Variants in CNTN5 observed in about 807,000 individuals in gnomAD.
CNTN5 encodes the protein contactin-5.
In CNTN5, 77 loss-of-function variants were observed where a neutral mutation model predicts 129.1. That is an observed-to-expected ratio of 0.60 (90% CI 0.50 to 0.72). The LOEUF is 0.72. Ranked by LOEUF, CNTN5 falls within the 30% of genes least tolerant of loss-of-function variation. The pLI is 0.00. For missense variants in CNTN5, 1,478 were observed against 1,328.8 expected (o/e 1.11, Z -1.75); for synonymous variants, 509 against 465.6 (o/e 1.09, Z -1.20).
chr11:99,777,702 C>G (rs1945172818), intron 3 of CNTN5, among the ~76,000 whole-genome samples: 1 of 151,644 alleles, frequency 6.6e-6, no homozygotes, highest in African/African-American at 2.4e-5. Flanking sequence ...TTTGAGTGCT[C>G]CGCAAACCTC....
intron 3 of CNTN5, among the ~76,000 whole-genome samples, chr11:99,809,448 A>G (rs553640083): frequency 2.0e-5 from 3 of 152,296 alleles, no homozygotes; most frequent in South Asian, 4.1e-4. Flanking sequence ...GATATATAAT[A>G]ATCATTTCAC....
chr11:99,034,395 GTCCTGGAC>G (rs1173225517), intron 1 of CNTN5, among the ~76,000 whole-genome samples: 1 of 151,506 alleles, frequency 6.6e-6, no homozygotes, highest in Non-Finnish European at 1.5e-5. Context: ...AATCCATCTG[GTCCTGGAC>G]TCTTTTTGGT....
chr11:100,147,414 T>TTCTCATG (rs1946888491), intron 13 of CNTN5, among the ~76,000 whole-genome samples: 1 of 152,118 alleles, frequency 6.6e-6, no homozygotes, highest in Admixed American at 6.6e-5. Flanking sequence ...TCTTATGGAC[T>TTCTCATG]TCTCATGTCT....
At chr11:99,093,748 A>G (rs1434300659) in intron 1 of CNTN5, among the ~76,000 whole-genome samples, 3 of 152,026 alleles carry the variant, frequency 2.0e-5, no homozygotes, top group African/African-American at 4.8e-5. Context: ...CTGGCATAAT[A>G]TATCATTCTA....
At chr11:99,876,797 G>A (rs1948643937) in intron 6 of CNTN5, among the ~76,000 whole-genome samples, 1 of 152,092 alleles carries the variant, frequency 6.6e-6, no homozygotes, top group Admixed American at 6.6e-5. Flanking sequence ...TATATTAAGT[G>A]ATTTTCTAAG....
intron 9 of CNTN5, among the ~76,000 whole-genome samples, chr11:100,030,073 A>T (rs1941628956): frequency 6.6e-6 from 1 of 152,156 alleles, no homozygotes; most frequent in African/African-American, 2.4e-5. Flanking sequence ...ACCATTTACC[A>T]AATAGTAAAG....
Position 99,338,932 on chromosome 11 carries a change from A to ATATATATATG in CNTN5, c.-71+13457_-71+13458insGTATATATAT, listed in dbSNP as rs1555115014. ...TGTTCATTCACAGATATATATATAT[A>ATATATATATG]TATATATATATATATCTGTGATATA... On this transcript the variant is annotated intron_variant, in intron 2 of 24. Coordinates refer to ENST00000524871, the MANE Select transcript of CNTN5 (RefSeq NM_014361.4). Among the ~76,000 whole-genome samples, 393 of 142,950 alleles carry ATATATATATG rather than the reference A, an allele frequency of 2.7e-3. 2 individuals are homozygous for ATATATATATG. Among genetic ancestry groups the ATATATATATG allele is most frequent in the South Asian group, 9.1e-3 (41 of 4,522 alleles). 93.8% of individuals were successfully genotyped at this position (142,950 alleles called of 152,430 possible).
intron 8 of CNTN5, among the ~76,000 whole-genome samples, chr11:99,984,967 A>T (rs1042841121): frequency 2.0e-5 from 3 of 152,196 alleles, no homozygotes; most frequent in African/African-American, 4.8e-5. Context: ...CCACTGCTCC[A>T]GGTGCTGGCA....
intron 13 of CNTN5, among the ~76,000 whole-genome samples, chr11:100,085,691 A>T (rs1344195566): frequency 6.6e-6 from 1 of 152,102 alleles, no homozygotes; most frequent in Non-Finnish European, 1.5e-5. Context: ...ATACGATTTT[A>T]AATAATATAA....
chr11:99,320,084 A>C (rs1443867220), intron 1 of CNTN5, among the ~76,000 whole-genome samples: 2 of 152,082 alleles, frequency 1.3e-5, no homozygotes, highest in African/African-American at 2.4e-5. Context: ...TACTGAAAAT[A>C]CAAAAATTAG....
At chr11:100,082,270 T>C (rs1033113337) in intron 13 of CNTN5, among the ~76,000 whole-genome samples, 17 of 152,112 alleles carry the variant, frequency 1.1e-4, no homozygotes, top group African/African-American at 3.1e-4. Context: ...AACAGATATA[T>C]TGTAGAAGCA....
intron 3 of CNTN5, among the ~76,000 whole-genome samples, chr11:99,703,067 A>T (rs560336176): frequency 3.3e-5 from 5 of 150,966 alleles, no homozygotes; most frequent in African/African-American, 1.2e-4. Flanking sequence ...CTATATAATA[A>T]ATGAAAATGT....
chr11:99,681,949 A>G (rs1056721066), intron 3 of CNTN5, among the ~76,000 whole-genome samples: 6 of 152,098 alleles, frequency 3.9e-5, no homozygotes, highest in African/African-American at 4.8e-5. Flanking sequence ...CTTCTCAGGA[A>G]TAACTCACAA....
chr11:99,872,781 A>G (rs1948535896), intron 6 of CNTN5, among the ~76,000 whole-genome samples: 1 of 152,176 alleles, frequency 6.6e-6, no homozygotes, highest in African/African-American at 2.4e-5. Flanking sequence ...AAAACATTTC[A>G]TTTAAAGATA....
At chr11:99,876,243 C>A (rs1356379483) in intron 6 of CNTN5, among the ~76,000 whole-genome samples, 1 of 152,170 alleles carries the variant, frequency 6.6e-6, no homozygotes, top group Non-Finnish European at 1.5e-5. Flanking sequence ...GCATCTGGAA[C>A]CCCATGGCTT....
At chr11:99,857,455 G>T (rs1760199572) in intron 6 of CNTN5, among the ~76,000 whole-genome samples, 1 of 152,054 alleles carries the variant, frequency 6.6e-6, no homozygotes, top group African/African-American at 2.4e-5. Context: ...TTTAACAATT[G>T]CAATAGAGAA....
intron 6 of CNTN5, among the ~76,000 whole-genome samples, chr11:99,890,738 G>A (rs1949038086): frequency 6.6e-6 from 1 of 152,092 alleles, no homozygotes. Flanking sequence ...TCCTTCCAAA[G>A]AATCAGCACG....
chr11:100,093,129 G>C (rs1944860453), intron 13 of CNTN5, among the ~76,000 whole-genome samples: 1 of 152,012 alleles, frequency 6.6e-6, no homozygotes, highest in Non-Finnish European at 1.5e-5. Flanking sequence ...AACAGTGCGG[G>C]GTTGACTCAA....
intron 2 of CNTN5, among the ~76,000 whole-genome samples, chr11:99,501,583 G>A (rs546810590): frequency 9.3e-4 from 141 of 152,276 alleles, no homozygotes; most frequent in African/African-American, 3.3e-3. Context: ...TCAGTAGCAA[G>A]TGAGCCCATT....
Sources: gnomAD v4.1 joint callset for allele counts (sites outside exome capture counted in the v4.1 genomes callset) on GRCh38, gnomAD v4.1.1 for gene constraint, MANE v1.5 for transcripts, NCBI Gene and HGNC (gene_info 2026-07-23, HGNC 2026-07-21) for gene names.